The following SLC38A12 variants were observed in gnomAD, a reference collection of about 807,000 sequenced individuals.
SLC38A12 encodes the protein solute carrier family 38 member 12.
the SLC38A12 span, among the ~76,000 whole-genome samples, chr17:74,802,212 G>A: frequency 3.3e-5 from 5 of 152,218 alleles, no homozygotes; most frequent in South Asian, 2.1e-4. Context: ...TCTCAGGGAC[G>A]TGGGTTCGGT....
the SLC38A12 span, among the ~76,000 whole-genome samples, chr17:74,787,348 C>T: frequency 1.4e-5 from 2 of 140,914 alleles, no homozygotes; most frequent in Non-Finnish European, 3.2e-5. Context: ...ATGGGCCGGG[C>T]GCGGTGGCTC....
the SLC38A12 span, chr17:74,837,402 G>T: frequency 1.0e-6 from 1 of 985,614 alleles, no homozygotes; most frequent in Non-Finnish European, 1.2e-6. Context: ...TGCCAGCTGG[G>T]CCTAAAGTCT....
chr17:74,791,077 G>GCACCAGCTCCCCGTTT, the SLC38A12 span: 1 of 1,574,342 alleles, frequency 6.4e-7, no homozygotes, highest in Non-Finnish European at 8.7e-7. Context: ...GAAACGGGGA[G>GCACCAGCTCCCCGTTT]CTGGTGCTTC....
chr17:74,815,756 T>C, the SLC38A12 span, among the ~76,000 whole-genome samples: 1 of 152,188 alleles, frequency 6.6e-6, no homozygotes, highest in African/African-American at 2.4e-5. Flanking sequence ...AGATCCATTC[T>C]CGGAAGTAGC....
chr17:74,838,995 C>G, the SLC38A12 span: 2 of 1,535,624 alleles, frequency 1.3e-6, no homozygotes, highest in African/African-American at 2.7e-5. Context: ...AGCCTCTACC[C>G]AACATCTGCC....
the SLC38A12 span, among the ~76,000 whole-genome samples, chr17:74,824,020 C>T: frequency 1.3e-5 from 2 of 152,246 alleles, no homozygotes; most frequent in Non-Finnish European, 2.9e-5. Flanking sequence ...TCAGCTGCCA[C>T]ATCCCAAGAG....
the SLC38A12 span, chr17:74,777,465 G>T: frequency 6.3e-7 from 1 of 1,593,616 alleles, no homozygotes; most frequent in Non-Finnish European, 8.6e-7. Flanking sequence ...ACTAGTGAGT[G>T]CTGCTGCTTG....
the SLC38A12 span, among the ~76,000 whole-genome samples, chr17:74,784,096 T>A: frequency 6.6e-6 from 1 of 152,016 alleles, no homozygotes; most frequent in Non-Finnish European, 1.5e-5. Flanking sequence ...TTTTTGTGTT[T>A]CTATCACAAA....
the SLC38A12 span, among the ~76,000 whole-genome samples, chr17:74,807,258 G>A: frequency 6.6e-6 from 1 of 152,178 alleles, no homozygotes; most frequent in African/African-American, 2.4e-5. Context: ...CCCTGCCATG[G>A]CATTAATTGG....
the SLC38A12 span, chr17:74,777,354 C>T: frequency 6.2e-7 from 1 of 1,614,200 alleles, no homozygotes; most frequent in Non-Finnish European, 8.5e-7. Flanking sequence ...TTACAGAGAC[C>T]GGGGAACTCT....
chr17:74,813,931 G>A, the SLC38A12 span, among the ~76,000 whole-genome samples: 50,082 of 152,048 alleles, frequency 0.33, 10,406 homozygotes, highest in Non-Finnish European at 0.46. Context: ...GCTGCAGTCC[G>A]CTCCGTCTCC....
chr17:74,779,775 C>T, the SLC38A12 span, among the ~76,000 whole-genome samples: 125 of 152,336 alleles, frequency 8.2e-4, no homozygotes, highest in East Asian at 3.3e-3. Context: ...CAAGACAAAG[C>T]CTCTCCTTAG....
the SLC38A12 span, among the ~76,000 whole-genome samples, chr17:74,777,993 A>G: frequency 1.3e-5 from 2 of 152,224 alleles, no homozygotes; most frequent in Non-Finnish European, 2.9e-5. Context: ...AGTGATTGAC[A>G]GCTGTTGACT....
At chr17:74,818,945 C>T in the SLC38A12 span, among the ~76,000 whole-genome samples, 2 of 152,206 alleles carry the variant, frequency 1.3e-5, no homozygotes, top group Non-Finnish European at 2.9e-5. Context: ...AGAAGGTTCC[C>T]ATTTCCCACA....
chr17:74,779,090 T>A, the SLC38A12 span, among the ~76,000 whole-genome samples: 1 of 152,224 alleles, frequency 6.6e-6, no homozygotes, highest in Non-Finnish European at 1.5e-5. Flanking sequence ...TGTCTATTAA[T>A]GTAAAAGTCA....
the SLC38A12 span, among the ~76,000 whole-genome samples, chr17:74,799,574 G>A: frequency 2.0e-5 from 3 of 152,156 alleles, no homozygotes; most frequent in Non-Finnish European, 4.4e-5. Flanking sequence ...ACACCCCCTT[G>A]AAGAAGTGGA....
chr17:74,777,115 C>T, the SLC38A12 span: 3 of 625,308 alleles, frequency 4.8e-6, no homozygotes, highest in African/African-American at 5.5e-5. Context: ...TCCAGGGTGA[C>T]CCCTCCCTCG....
chr17:74,776,752 G>A, the SLC38A12 span, among the ~76,000 whole-genome samples: 2 of 152,200 alleles, frequency 1.3e-5, no homozygotes, highest in African/African-American at 4.8e-5. Flanking sequence ...AACCCTAAGA[G>A]AGTAGGTGGG....
the SLC38A12 span, chr17:74,838,712 G>A: frequency 5.6e-6 from 8 of 1,437,240 alleles, no homozygotes; most frequent in African/African-American, 7.1e-5. Context: ...CCTCTCCATC[G>A]ATGCCAGGCT....
Sources: allele counts gnomAD v4.1 joint callset (sites outside exome capture counted in the v4.1 genomes callset), GRCh38; gene constraint gnomAD v4.1.1; transcripts MANE v1.5; gene names NCBI Gene and HGNC (gene_info 2026-07-23, HGNC 2026-07-21).